The following KAZN variants were observed in gnomAD, a reference collection of about 807,000 sequenced individuals.
KAZN encodes the protein kazrin.
In KAZN, 40 loss-of-function variants were observed where a neutral mutation model predicts 87.4. The observed-to-expected ratio is 0.46, with a 90% CI of 0.36 to 0.60. The LOEUF is 0.60. Among genes scored for constraint, KAZN ranks in the 20% least tolerant of loss-of-function variants. The probability of loss-of-function intolerance (pLI) is 0.00; values close to 1 mark genes in which losing one functional copy is unlikely to be tolerated. For synonymous variants in KAZN, 466 were observed against 458.3 expected (o/e 1.02, Z -0.22); for missense variants, 898 against 1,073.9 (o/e 0.84, Z 2.29).
chr1:14,213,053 A>G (rs659483), intron 2 of KAZN, among the ~76,000 whole-genome samples: 145,193 of 152,306 alleles, frequency 0.95, 69,268 homozygotes, highest in East Asian at 1. Context: ...ATTTTACCAA[A>G]CAGGATACAT....
At chr1:14,619,387 A>G (rs1162348076) in intron 1 of KAZN, among the ~76,000 whole-genome samples, 2 of 151,644 alleles carry the variant, frequency 1.3e-5, no homozygotes, top group African/African-American at 4.9e-5. Flanking sequence ...TTTTGTAAAG[A>G]CAGGGTCTCG....
intron 1 of KAZN, among the ~76,000 whole-genome samples, chr1:14,097,791 C>A (rs528397469): frequency 1.2e-4 from 18 of 152,220 alleles, no homozygotes; most frequent in Admixed American, 2.6e-4. Context: ...TCTTAATATT[C>A]AGAAAAATTC....
intron 1 of KAZN, among the ~76,000 whole-genome samples, chr1:14,877,091 G>T (rs574712209): frequency 6.6e-6 from 1 of 152,302 alleles, no homozygotes; most frequent in South Asian, 2.1e-4. Flanking sequence ...ACTTGAAAAT[G>T]CCAGTGTGGA....
intron 2 of KAZN, among the ~76,000 whole-genome samples, chr1:15,014,763 C>T (rs1250005632): frequency 6.6e-6 from 1 of 152,088 alleles, no homozygotes. Flanking sequence ...AGACAGTCAG[C>T]TTGTGGGGCT....
chr1:15,027,445 T>C (rs12403509), intron 2 of KAZN, among the ~76,000 whole-genome samples: 20,054 of 152,164 alleles, frequency 0.13, 1,661 homozygotes, highest in Admixed American at 0.21. Flanking sequence ...TGACTCTCTG[T>C]GCATTGGGCA....
At chr1:14,615,134 T>C (rs1362682728) in intron 1 of KAZN, among the ~76,000 whole-genome samples, 1 of 152,244 alleles carries the variant, frequency 6.6e-6, no homozygotes, top group African/African-American at 2.4e-5. Context: ...GTTTATTCTT[T>C]GGTTTCTTTG....
intron 1 of KAZN, among the ~76,000 whole-genome samples, chr1:14,057,136 G>GT (rs1437888196): frequency 1.3e-5 from 2 of 149,036 alleles, no homozygotes; most frequent in Non-Finnish European, 3.0e-5. Flanking sequence ...TTTTTTGTTT[G>GT]TTTGTTTTTT....
intron 2 of KAZN, among the ~76,000 whole-genome samples, chr1:14,428,553 T>C (rs1303555885): frequency 6.6e-6 from 1 of 152,162 alleles, no homozygotes; most frequent in Non-Finnish European, 1.5e-5. Flanking sequence ...TATGTATTAG[T>C]CCATTCTTGT....
rs142019277 is a variant in KAZN at position 14,810,282 on chromosome 1, T to G, written c.227-150402T>G. Among the ~76,000 whole-genome samples the G allele has an allele frequency of 3.1e-3, 469 of 152,116 alleles. 3 individuals are homozygous for G. Among genetic ancestry groups the G allele is most frequent in the African/African-American group, 0.011 (448 of 41,514 alleles). ...AAGGGAGCACCGCACCCCCATCACCTCATCTCTCTCCAACCCCGTACCTTG... is the reference window on the plus strand; with the variant it reads ...AAGGGAGCACCGCACCCCCATCACCGCATCTCTCTCCAACCCCGTACCTTG... On this transcript the variant is annotated intron_variant, in intron 1 of 14. Coordinates refer to ENST00000376030, the MANE Select transcript of KAZN (RefSeq NM_201628.3).
intron 2 of KAZN, among the ~76,000 whole-genome samples, chr1:14,251,853 T>TG (rs1650077422): frequency 6.6e-6 from 1 of 151,928 alleles, no homozygotes; most frequent in Admixed American, 6.6e-5. Context: ...CTCACTATGT[T>TG]GCCCAGGCTG....
chr1:14,079,941 G>A (rs969252115), intron 1 of KAZN, among the ~76,000 whole-genome samples: 14 of 151,620 alleles, frequency 9.2e-5, no homozygotes, highest in African/African-American at 3.4e-4. Context: ...ATTTGCAGGG[G>A]ACAGATATCC....
At chr1:13,892,883 G>T (rs1364275115) in exon 1 of KAZN, 1 of 152,250 alleles carries the variant, frequency 6.6e-6, no homozygotes, top group African/African-American at 2.4e-5. Context: ...GGCGCGGGCT[G>T]GGGGCCGCTG....
At chr1:14,746,429 A>G (rs1644262235) in intron 1 of KAZN, among the ~76,000 whole-genome samples, 1 of 152,150 alleles carries the variant, frequency 6.6e-6, no homozygotes, top group Non-Finnish European at 1.5e-5. Context: ...AGGTTTCTTG[A>G]GGGAGAGGTC....
chr1:14,300,258 G>T (rs1338728335), intron 2 of KAZN, among the ~76,000 whole-genome samples: 2 of 87,320 alleles, frequency 2.3e-5, no homozygotes, highest in Admixed American at 1.1e-4. Context: ...AGCTATGGAA[G>T]AATTTATTTA....
intron 2 of KAZN, among the ~76,000 whole-genome samples, chr1:14,282,772 C>T (rs1652943748): frequency 1.3e-5 from 2 of 152,194 alleles, no homozygotes; most frequent in South Asian, 4.1e-4. Flanking sequence ...CTCAGGATAC[C>T]TTCACAGTTG....
rs955711272 is a variant in KAZN at position 14,928,516 on chromosome 1, A to C, written c.227-32168A>C. On this transcript the variant is annotated intron_variant, in intron 1 of 14. Coordinates refer to ENST00000376030, the MANE Select transcript of KAZN (RefSeq NM_201628.3). ...TGGTCTCTTTTTCCTTTAAATTTTT[A>C]TCCTTAAAAAAAAAGTTTGTCCTCT... 2.6e-5 allele frequency among the ~76,000 whole-genome samples: 4 copies of C among 151,514 alleles called. No homozygotes were observed. The South Asian group carries it at 8.4e-4, about 32-fold the overall frequency.
At chr1:14,054,671 G>A (rs138647034) in intron 1 of KAZN, among the ~76,000 whole-genome samples, 16 of 152,280 alleles carry the variant, frequency 1.1e-4, no homozygotes, top group Non-Finnish European at 2.2e-4. Flanking sequence ...AGGCCAAAAG[G>A]GAGAAAAGAG....
At chr1:14,876,519 C>A (rs568362569) in intron 1 of KAZN, among the ~76,000 whole-genome samples, 5 of 152,304 alleles carry the variant, frequency 3.3e-5, no homozygotes, top group African/African-American at 7.2e-5. Context: ...GAAGCAGACA[C>A]AGCGTTGTGT....
At chr1:14,784,066 G>A (rs774042715) in intron 1 of KAZN, among the ~76,000 whole-genome samples, 7 of 152,184 alleles carry the variant, frequency 4.6e-5, no homozygotes, top group Non-Finnish European at 8.8e-5. Flanking sequence ...TGGCTTAGGC[G>A]ATGGTGGGGT....
Sources: allele counts gnomAD v4.1 joint callset (sites outside exome capture counted in the v4.1 genomes callset), GRCh38; gene constraint gnomAD v4.1.1; transcripts MANE v1.5; gene names NCBI Gene and HGNC (gene_info 2026-07-23, HGNC 2026-07-21).